The following FOXO3 variants were observed in gnomAD, a reference collection of about 807,000 sequenced individuals.
FOXO3 encodes forkhead box protein O3.
A neutral mutation model predicts 41.9 loss-of-function variants in FOXO3; 4 were observed. That is an observed-to-expected ratio of 0.10 (90% CI 0.05 to 0.22). FOXO3 has a LOEUF of 0.22. Among genes scored for constraint, FOXO3 ranks in the 10% least tolerant of loss-of-function variants. FOXO3 has a pLI of 1.00. For missense variants in FOXO3, 534 were observed against 906.8 expected (o/e 0.59, Z 5.28); for synonymous variants, 318 against 389.3 (o/e 0.82, Z 2.16).
intron 2 of FOXO3, among the ~76,000 whole-genome samples, chr6:108,675,945 T>C (rs895813098): frequency 1.3e-5 from 2 of 152,216 alleles, no homozygotes; most frequent in Non-Finnish European, 2.9e-5. Context: ...GGTTGTTATG[T>C]TTTGTGTAGT....
chr6:108,612,822 C>T (rs1777400866), intron 1 of FOXO3, among the ~76,000 whole-genome samples: 2 of 152,084 alleles, frequency 1.3e-5, no homozygotes, highest in Admixed American at 1.3e-4. Flanking sequence ...AGATCCTTAC[C>T]ATTTTTCTCA....
At chr6:108,578,547 A>T (rs1309278029) in intron 1 of FOXO3, among the ~76,000 whole-genome samples, 1 of 152,212 alleles carries the variant, frequency 6.6e-6, no homozygotes, top group Non-Finnish European at 1.5e-5. Flanking sequence ...GGATCCACTC[A>T]GGTGTATAGA....
chr6:108,583,121 C>A (rs115605577), intron 1 of FOXO3, among the ~76,000 whole-genome samples: 102 of 152,296 alleles, frequency 6.7e-4, no homozygotes, highest in African/African-American at 2.4e-3. Context: ...GTGGTCACCA[C>A]CATTCTTGCT....
chr6:108,634,680 A>G (rs929329547), intron 1 of FOXO3, among the ~76,000 whole-genome samples: 1 of 152,096 alleles, frequency 6.6e-6, no homozygotes, highest in African/African-American at 2.4e-5. Context: ...CAGGAGGGGA[A>G]TGAGTGGGTA....
chr6:108,560,819 G>T (rs1775756221), upstream of FOXO3: 2 of 435,242 alleles, frequency 4.6e-6, no homozygotes, highest in African/African-American at 2.1e-5. Context: ...CCGCCGCCTA[G>T]CCCGGGAGGG....
rs376260177 is a variant in FOXO3 at position 108,674,715 on chromosome 6, G to A, written c.*35-5112G>A. Among the ~76,000 whole-genome samples, 3 of 152,308 alleles carry A rather than the reference G, an allele frequency of 2.0e-5. No individual in the cohort carries two copies. In the East Asian group the frequency reaches 5.8e-4, roughly 29 times the overall value. ...GAACCTGACCCATCGGACAAGCGGA[G>A]GGTTTGTTCCCAGAAGCAGTAGTGG... is the stretch of plus-strand genomic sequence containing the variant. On this transcript the variant is annotated intron_variant, in intron 2 of 2. Transcript: ENST00000406360.
In FOXO3 at chr6:108,561,138, C is replaced by T. The variant is rs1001084257; in HGVS notation, c.-71C>T. 7.4e-6 allele frequency: 11 copies of T among 1,477,184 alleles called. No individual in the cohort carries two copies. Among genetic ancestry groups the T allele is most frequent in the Non-Finnish European group, 9.8e-6 (11 of 1,120,610 alleles). The allele number at this position is 1,477,184 out of a possible 1,614,324, so 91.5% of individuals were successfully genotyped here. ...AGCCTTCGCGGCGTCCACGTCCCTC[C>T]CCCGCTGCACCCCGCCCCGGCGCGA... On this transcript the variant is annotated 5_prime_UTR_variant, in exon 1 of 3. Coordinates refer to ENST00000406360, the MANE Select transcript of FOXO3 (RefSeq NM_001455.4).
upstream of FOXO3, chr6:108,560,830 A>T (rs891414535): frequency 1.7e-5 from 7 of 413,446 alleles, no homozygotes; most frequent in Non-Finnish European, 1.8e-5. Flanking sequence ...CCCGGGAGGG[A>T]CCTGCGGCTG....
intron 1 of FOXO3, among the ~76,000 whole-genome samples, chr6:108,566,864 G>C (rs1459096010): frequency 1.3e-5 from 2 of 152,188 alleles, no homozygotes. Flanking sequence ...ATCAGTGGAT[G>C]TTACAGCTGG....
intron 2 of FOXO3, among the ~76,000 whole-genome samples, chr6:108,675,475 C>T (rs1280928760): frequency 6.6e-6 from 1 of 152,236 alleles, no homozygotes; most frequent in Non-Finnish European, 1.5e-5. Flanking sequence ...GCAGCCTTTA[C>T]ACAAGTCAAG....
At chr6:108,666,093 C>G (rs1779050218) in intron 2 of FOXO3, among the ~76,000 whole-genome samples, 1 of 152,064 alleles carries the variant, frequency 6.6e-6, no homozygotes, top group African/African-American at 2.4e-5. Context: ...TTCTTGCTAC[C>G]ACTATGGTTG....
intron 2 of FOXO3, among the ~76,000 whole-genome samples, chr6:108,676,520 C>T (rs1352157449): frequency 6.6e-6 from 1 of 152,186 alleles, no homozygotes; most frequent in Non-Finnish European, 1.5e-5. Flanking sequence ...AGACTACAGG[C>T]ATGAGCCGCC....
chr6:108,674,357 A>G (rs1250530854), intron 2 of FOXO3, among the ~76,000 whole-genome samples: 1 of 152,230 alleles, frequency 6.6e-6, no homozygotes, highest in Non-Finnish European at 1.5e-5. Context: ...TCAACTTACC[A>G]GGTTCCTTGG....
At chr6:108,571,576 C>T (rs556514487) in intron 1 of FOXO3, among the ~76,000 whole-genome samples, 4 of 152,170 alleles carry the variant, frequency 2.6e-5, no homozygotes, top group Admixed American at 1.3e-4. Context: ...CAAATAAGGC[C>T]GTGGGAAGTT....
intron 2 of FOXO3, among the ~76,000 whole-genome samples, chr6:108,677,078 C>T (rs536708418): frequency 2.0e-5 from 3 of 152,332 alleles, no homozygotes; most frequent in African/African-American, 7.2e-5. Context: ...TGGGCCAAAT[C>T]CTCTACCAAT....
At chr6:108,675,575 TC>T (rs2128392003) in intron 2 of FOXO3, among the ~76,000 whole-genome samples, 1 of 152,324 alleles carries the variant, frequency 6.6e-6, no homozygotes, top group South Asian at 2.1e-4. Flanking sequence ...TCCTAAGTGT[TC>T]CATATTTAGT....
At chr6:108,671,526 A>G (rs1779217077) in intron 2 of FOXO3, among the ~76,000 whole-genome samples, 1 of 152,236 alleles carries the variant, frequency 6.6e-6, no homozygotes, top group South Asian at 2.1e-4. Context: ...CAGTTTGCTT[A>G]TTTATAAAAT....
chr6:108,574,206 A>C (rs1402491670), intron 1 of FOXO3, among the ~76,000 whole-genome samples: 1 of 150,232 alleles, frequency 6.7e-6, no homozygotes, highest in Non-Finnish European at 1.5e-5. Context: ...CTTTAATGGG[A>C]GAGTAGGAAT....
intron 1 of FOXO3, among the ~76,000 whole-genome samples, chr6:108,648,452 C>G (rs762618665): frequency 6.6e-6 from 1 of 152,166 alleles, no homozygotes; most frequent in Non-Finnish European, 1.5e-5. Flanking sequence ...CACCCCTGCT[C>G]CCTTTGATTA....
Sources: allele counts gnomAD v4.1 joint callset (sites outside exome capture counted in the v4.1 genomes callset), GRCh38; gene constraint gnomAD v4.1.1; transcripts MANE v1.5; gene names NCBI Gene and HGNC (gene_info 2026-07-23, HGNC 2026-07-21).